Variants in RELN observed in about 807,000 individuals in gnomAD.
The protein encoded by RELN is reelin.
RELN carries 108 observed loss-of-function variants against 427.6 expected under a neutral mutation model. The observed-to-expected ratio is 0.25, with a 90% CI of 0.22 to 0.30. The LOEUF (loss-of-function observed/expected upper bound fraction) is 0.30. RELN is among the 10% of genes least tolerant of loss of function. RELN has a pLI of 1.00. For missense variants in RELN, 3,715 were observed against 4,302.8 expected (o/e 0.86, Z 3.82); for synonymous variants, 1,524 against 1,513.4 (o/e 1.01, Z -0.16).
intron 3 of RELN, among the ~76,000 whole-genome samples, chr7:103,813,735 G>T (rs1328158244): frequency 1.3e-5 from 2 of 151,994 alleles, no homozygotes; most frequent in Non-Finnish European, 2.9e-5. Flanking sequence ...GTATCAGGAA[G>T]GTCTACAAGA....
At chr7:103,818,059 A>G (rs958282762) in intron 3 of RELN, among the ~76,000 whole-genome samples, 4 of 152,006 alleles carry the variant, frequency 2.6e-5, no homozygotes, top group African/African-American at 9.7e-5. Context: ...CAATCACACT[A>G]GTGATTCCAC....
intron 2 of RELN, among the ~76,000 whole-genome samples, chr7:103,898,256 G>T (rs1795005599): frequency 2.0e-5 from 3 of 151,966 alleles, no homozygotes; most frequent in African/African-American, 7.2e-5. Flanking sequence ...CAATTATGCA[G>T]TAATCATTTT....
At chr7:103,587,224 C>T (rs1831294641) in intron 28 of RELN, among the ~76,000 whole-genome samples, 1 of 152,004 alleles carries the variant, frequency 6.6e-6, no homozygotes, top group African/African-American at 2.4e-5. Context: ...GAAATAAAGC[C>T]CCAGATTTAA....
At chr7:103,944,715 T>A (rs1796184421) in intron 1 of RELN, among the ~76,000 whole-genome samples, 1 of 152,134 alleles carries the variant, frequency 6.6e-6, no homozygotes, top group African/African-American at 2.4e-5. Flanking sequence ...TGGGTTGGCT[T>A]CCAATGTGGC....
At chr7:103,889,704 CTG>C (rs1794803806) in intron 2 of RELN, among the ~76,000 whole-genome samples, 1 of 152,080 alleles carries the variant, frequency 6.6e-6, no homozygotes, top group African/African-American at 2.4e-5. Context: ...GGGTTTGACA[CTG>C]TAAATATTGA....
rs972061499 is a variant in RELN, at chr7:103,866,461, T to A, written c.338-32789A>T. On this transcript the variant is annotated intron_variant, in intron 2 of 64. Transcript: ENST00000428762. ...ATATAGCTTTGGTAACCCAATTTTT[T>A]AACTGCATGGTTAATTATATTTTCT... is the stretch of plus-strand genomic sequence containing the variant. 2.6e-5 allele frequency among the ~76,000 whole-genome samples: 4 copies of A among 152,232 alleles called. No homozygotes were observed. The East Asian group carries it at 5.8e-4, about 22-fold the overall frequency.
At chr7:103,518,619 A>G (rs537043538) in intron 49 of RELN, among the ~76,000 whole-genome samples, 1 of 150,810 alleles carries the variant, frequency 6.6e-6, no homozygotes, top group East Asian at 1.9e-4. Flanking sequence ...TACAGGTGTG[A>G]GCCACCATGC....
intron 4 of RELN, among the ~76,000 whole-genome samples, chr7:103,754,511 G>A (rs1039698646): frequency 1.2e-4 from 18 of 152,070 alleles, no homozygotes; most frequent in Admixed American, 1.2e-3. Flanking sequence ...AGTAGCTCAT[G>A]CCTGTAATCC....
At chr7:103,478,058 A>G (rs1828097070) in intron 64 of RELN, among the ~76,000 whole-genome samples, 1 of 152,276 alleles carries the variant, frequency 6.6e-6, no homozygotes, top group East Asian at 1.9e-4. Flanking sequence ...AACTGTGAGC[A>G]CTTCAAGGGC....
intron 28 of RELN, among the ~76,000 whole-genome samples, chr7:103,585,065 G>T (rs1831238663): frequency 6.6e-6 from 1 of 151,982 alleles, no homozygotes; most frequent in Non-Finnish European, 1.5e-5. Flanking sequence ...AGCAAAAGCA[G>T]TGCTAAAAGT....
At position 103,540,449 on chromosome 7, in the gene RELN, C is replaced by A. The variant is rs957586852; in HGVS notation, c.6678G>T (p.Val2226=). ...RDLDLSHARF[V]QFFMRLGCGK... is the part of the protein sequence containing the mutation. ...CACATCCCAGTCTCATGAAGAACTG[C>A]ACAAATCTGACATTTGTAAACGTTA... The change falls in exon 44 of 65, where the codon GTG becomes GTT. Residue 2226 remains valine (V), a synonymous_variant. Coordinates refer to ENST00000428762, the MANE Select transcript of RELN (RefSeq NM_005045.4). 1.9e-6 allele frequency: 3 copies of A among 1,613,704 alleles called. No homozygotes were observed. The highest frequency in any genetic ancestry group is 3.3e-5 in the Admixed American group (2 of 59,992).
intron 1 of RELN, among the ~76,000 whole-genome samples, chr7:103,965,889 T>G (rs1584406719): frequency 1.3e-5 from 2 of 152,322 alleles, no homozygotes; most frequent in South Asian, 4.1e-4. Context: ...ACCAATATGC[T>G]CTTTTCTTAT....
At position 103,523,889 on chromosome 7, in the gene RELN, C is replaced by G. The variant is rs184237396; in HGVS notation, c.7350-358G>C. ...ACAGAGTTTCACCATGTTGGCCAGGCTGGTCTTGAACTCCTGACCTAAAGT... is the reference window on the plus strand; with the variant it reads ...ACAGAGTTTCACCATGTTGGCCAGGGTGGTCTTGAACTCCTGACCTAAAGT... On this transcript the variant is annotated intron_variant, in intron 46 of 64. Coordinates refer to ENST00000428762, the MANE Select transcript of RELN (RefSeq NM_005045.4). Among the ~76,000 whole-genome samples, 367 of 152,232 alleles carry G rather than the reference C, an allele frequency of 2.4e-3. 2 individuals carry two copies. The highest frequency in any genetic ancestry group is 4.4e-3 in the Non-Finnish European group (302 of 68,010).
At chr7:103,677,918 G>A (rs1000151446) in intron 11 of RELN, among the ~76,000 whole-genome samples, 2 of 151,930 alleles carry the variant, frequency 1.3e-5, no homozygotes, top group African/African-American at 4.8e-5. Context: ...TTCAACATGT[G>A]TTCTGGGCTA....
intron 36 of RELN, among the ~76,000 whole-genome samples, chr7:103,561,263 A>G (rs1273323032): frequency 6.6e-6 from 1 of 152,240 alleles, no homozygotes; most frequent in African/African-American, 2.4e-5. Context: ...ACATTCTAAA[A>G]ACTATCTACA....
intron 2 of RELN, among the ~76,000 whole-genome samples, chr7:103,911,594 G>A (rs1371023615): frequency 6.6e-6 from 1 of 150,930 alleles, no homozygotes; most frequent in Non-Finnish European, 1.5e-5. Context: ...GCAAAGACTT[G>A]GAACCAACCC....
chr7:103,584,987 G>A (rs2711874), intron 28 of RELN, among the ~76,000 whole-genome samples: 75,925 of 151,094 alleles, frequency 0.5, 19,538 homozygotes, highest in South Asian at 0.62. Flanking sequence ...TGAAATTAAG[G>A]CAGAAATAAA....
At chr7:103,844,321 C>T (rs535437357) in intron 2 of RELN, among the ~76,000 whole-genome samples, 1 of 152,278 alleles carries the variant, frequency 6.6e-6, no homozygotes, top group Non-Finnish European at 1.5e-5. Context: ...GTTGACCTAT[C>T]TGGGAAGTTT....
At chr7:103,513,108 C>T (rs1010766104) in intron 50 of RELN, 1 of 152,146 alleles carries the variant, frequency 6.6e-6, no homozygotes, top group African/African-American at 2.4e-5. Flanking sequence ...AATTTGAATT[C>T]CGATAAGAAT....
Sources: allele counts gnomAD v4.1 joint callset (sites outside exome capture counted in the v4.1 genomes callset), GRCh38; gene constraint gnomAD v4.1.1; transcripts MANE v1.5; gene names NCBI Gene and HGNC (gene_info 2026-07-23, HGNC 2026-07-21).